Variants in AAK1 observed in about 807,000 individuals in gnomAD.
AAK1 encodes the protein AP2 associated kinase 1.
A neutral mutation model predicts 116.0 loss-of-function variants in AAK1; 37 were observed. The ratio of observed to expected loss-of-function variants is 0.32; its 90% CI spans 0.25 to 0.42. AAK1 has a LOEUF of 0.42. Among genes scored for constraint, AAK1 ranks in the 10% least tolerant of loss-of-function variants. The probability of loss-of-function intolerance (pLI) is 1.00; values close to 1 mark genes in which losing one functional copy is unlikely to be tolerated. For synonymous variants in AAK1, 458 were observed against 439.9 expected (o/e 1.04, Z -0.51); for missense variants, 919 against 1,170.6 (o/e 0.79, Z 3.14).
At chr2:69,621,810 T>G (rs1559010296) in intron 2 of AAK1, among the ~76,000 whole-genome samples, 1 of 152,210 alleles carries the variant, frequency 6.6e-6, no homozygotes, top group Non-Finnish European at 1.5e-5. Flanking sequence ...CACCCTTAGT[T>G]AGGCACTCAA....
At chr2:69,608,985 G>C (rs920060005) in intron 2 of AAK1, among the ~76,000 whole-genome samples, 4 of 152,214 alleles carry the variant, frequency 2.6e-5, no homozygotes, top group African/African-American at 9.6e-5. Flanking sequence ...ACACATAAAA[G>C]GAGACATCTT....
intron 17 of AAK1, among the ~76,000 whole-genome samples, chr2:69,494,413 C>T: frequency 6.6e-6 from 1 of 152,198 alleles, no homozygotes; most frequent in East Asian, 1.9e-4. Context: ...GTGACAGCTG[C>T]ACAGGACAGT....
At chr2:69,480,052 G>A (rs1675024322) in intron 19 of AAK1, among the ~76,000 whole-genome samples, 6 of 152,134 alleles carry the variant, frequency 3.9e-5, no homozygotes, top group Admixed American at 2.6e-4. Context: ...AAGGCACCCA[G>A]CCTGAGTTTA....
At position 69,470,981 on chromosome 2, in the gene AAK1, G is replaced by T; in HGVS notation, c.*4888C>A. On this transcript the variant is annotated 3_prime_UTR_variant, in exon 22 of 22. Coordinates refer to ENST00000409085, the MANE Select transcript of AAK1 (RefSeq NM_014911.5). ...TGTTTACATAAGAAAGTTCTTTACAGACTTTTTTTTATACAATACTTGTGC... is the reference window on the plus strand; with the variant it reads ...TGTTTACATAAGAAAGTTCTTTACATACTTTTTTTTATACAATACTTGTGC... The T allele has an allele frequency of 4.1e-6, 4 of 985,800 alleles. No homozygotes were observed. The highest frequency in any genetic ancestry group is 3.5e-5 in the African/African-American group (2 of 57,344). The allele number at this position is 985,800 out of a possible 1,614,324, so 61.1% of individuals were successfully genotyped here. A position where few individuals can be genotyped will look rare whatever the true frequency, so the allele number is the denominator to read the frequency against.
intron 17 of AAK1, 84 bp downstream of exon 17, chr2:69,495,901 C>T (rs574477034): frequency 2.7e-5 from 29 of 1,083,864 alleles, no homozygotes; most frequent in African/African-American, 2.2e-4. Flanking sequence ...ATCCTTTTCA[C>T]GGGGTATTTA....
intron 2 of AAK1, among the ~76,000 whole-genome samples, chr2:69,582,421 G>A (rs1047418753): frequency 4.6e-5 from 7 of 152,134 alleles, no homozygotes; most frequent in South Asian, 2.1e-4. Flanking sequence ...GTGTGTGTGC[G>A]TGCACACATG....
At chr2:69,521,231 A>G (rs1020721350) in intron 10 of AAK1, among the ~76,000 whole-genome samples, 4 of 152,190 alleles carry the variant, frequency 2.6e-5, no homozygotes, top group African/African-American at 9.7e-5. Flanking sequence ...TTCTAGCAGA[A>G]CTTTTCATGT....
At chr2:69,558,933 G>A (rs1313581529) in intron 2 of AAK1, among the ~76,000 whole-genome samples, 1 of 152,128 alleles carries the variant, frequency 6.6e-6, no homozygotes, top group Non-Finnish European at 1.5e-5. Context: ...TTCTTTTCAA[G>A]TTAGCTTGAG....
chr2:69,600,111 AT>A (rs1338779568), intron 2 of AAK1, among the ~76,000 whole-genome samples: 3 of 151,908 alleles, frequency 2.0e-5, no homozygotes, highest in Non-Finnish European at 4.4e-5. Context: ...TCACTGTCTC[AT>A]TTTTCCACCT....
rs138539543 is a variant in AAK1 at position 69,515,150 on chromosome 2, T to C, written c.1498-401A>G. ...GGATTTGAAGTAGCCAAGATTAAAA[T>C]GCTTCCCTACCTGAACAGGATGAAG... On this transcript the variant is annotated intron_variant, in intron 12 of 21. Transcript: ENST00000409085. Among the ~76,000 whole-genome samples the C allele has an allele frequency of 2.1e-3, 326 of 152,338 alleles. 3 individuals are homozygous for C. The Middle Eastern group carries it at 0.034, about 16-fold the overall frequency.
chr2:69,494,670 C>G (rs1049791568), intron 17 of AAK1, among the ~76,000 whole-genome samples: 1 of 152,070 alleles, frequency 6.6e-6, no homozygotes, highest in African/African-American at 2.4e-5. Flanking sequence ...TGAACTTGTC[C>G]AAGTACTGCC....
intron 2 of AAK1, among the ~76,000 whole-genome samples, chr2:69,620,568 C>T (rs1020858540): frequency 6.6e-6 from 1 of 152,190 alleles, no homozygotes; most frequent in African/African-American, 2.4e-5. Context: ...AGGTCAATGC[C>T]ACTCCACTGG....
intron 2 of AAK1, among the ~76,000 whole-genome samples, chr2:69,625,297 AG>A (rs1435881613): frequency 6.6e-6 from 1 of 152,190 alleles, no homozygotes; most frequent in Non-Finnish European, 1.5e-5. Flanking sequence ...AGCAGCAAGA[AG>A]GACAGCTAAC....
At chr2:69,554,559 G>A (rs944420673) in intron 3 of AAK1, among the ~76,000 whole-genome samples, 1 of 152,212 alleles carries the variant, frequency 6.6e-6, no homozygotes, top group South Asian at 2.1e-4. Context: ...AAGAATGGAA[G>A]ATGAGAATAC....
intron 2 of AAK1, among the ~76,000 whole-genome samples, chr2:69,638,574 C>T (rs1162548897): frequency 6.6e-6 from 1 of 152,220 alleles, no homozygotes; most frequent in East Asian, 1.9e-4. Context: ...CACTCCGTGT[C>T]CTCTGTCCTT....
At chr2:69,633,877 T>C (rs973643990) in intron 2 of AAK1, among the ~76,000 whole-genome samples, 2 of 151,942 alleles carry the variant, frequency 1.3e-5, no homozygotes, top group African/African-American at 2.4e-5. Flanking sequence ...AGGTCAACAA[T>C]GTTATGAGAG....
At chr2:69,545,953 G>A (rs6707610) in intron 3 of AAK1, among the ~76,000 whole-genome samples, 13,970 of 152,128 alleles carry the variant, frequency 0.092, 677 homozygotes, top group African/African-American at 0.12. Flanking sequence ...TTTAGAATGG[G>A]AGAAAACTGA....
Position 69,478,972 on chromosome 2 carries a change from T to C in AAK1, c.2659A>G (p.Ile887Val), listed in dbSNP as rs555762787. The C allele has an allele frequency of 7.6e-5, 122 of 1,613,244 alleles. 4 individuals are homozygous for C. The South Asian group carries it at 1.2e-3, about 16-fold the overall frequency. ...TTACCTTTATGGACTGGAGCAGAGA[T>C]TGCTGTGGGGGCAAACTCTTCCAGA... ...DLLEEFAPTA[I>V]SAPVHKAAED... Residue 887 changes from isoleucine to valine, a missense_variant, in exon 20 of 22, where the codon ATC becomes GTC. Ile to Val is a conservative substitution (Grantham distance 29). This residue lies in a region of AAK1 where 263 missense variants were observed against 285.5 expected (regional missense o/e 0.92). Transcript: ENST00000409085.
chr2:69,507,622 T>A, intron 14 of AAK1, 44 bp from the exon 15 acceptor site: 1 of 1,492,822 alleles, frequency 6.7e-7, no homozygotes, highest in Non-Finnish European at 9.0e-7. Context: ...ATATAAAAGT[T>A]GAACAAAACA....
Sources: gnomAD v4.1 joint callset for allele counts (sites outside exome capture counted in the v4.1 genomes callset) on GRCh38, gnomAD v4.1.1 for gene constraint, gnomAD v4.1.1 regional missense constraint, MANE v1.5 for transcripts, NCBI Gene and HGNC (gene_info 2026-07-23, HGNC 2026-07-21) for gene names.